Variants in ROBO2 observed in about 807,000 individuals in gnomAD.
ROBO2 encodes roundabout homolog 2.
A neutral mutation model predicts 160.8 loss-of-function variants in ROBO2; 53 were observed. The observed-to-expected ratio is 0.33, with a 90% CI of 0.26 to 0.41. ROBO2 has a LOEUF of 0.41. ROBO2 is among the 10% of genes least tolerant of loss of function. The pLI is 1.00. For synonymous variants in ROBO2, 664 were observed against 611.7 expected (o/e 1.09, Z -1.26); for missense variants, 1,577 against 1,722.4 (o/e 0.92, Z 1.49).
At chr3:76,475,511 A>G (rs908713926) in intron 2 of ROBO2, among the ~76,000 whole-genome samples, 1 of 151,372 alleles carries the variant, frequency 6.6e-6, no homozygotes, top group African/African-American at 2.4e-5. Context: ...CACTCTGCCA[A>G]TGAGGTTTGG....
At chr3:76,399,967 A>G (rs2077719052) in intron 2 of ROBO2, among the ~76,000 whole-genome samples, 1 of 151,736 alleles carries the variant, frequency 6.6e-6, no homozygotes, top group Non-Finnish European at 1.5e-5. Flanking sequence ...TACTCCATAA[A>G]TTCAGGGTGT....
rs10514731 is a variant in ROBO2 at position 76,083,454 on chromosome 3, A to G, written c.109+145852A>G. Among the ~76,000 whole-genome samples, 180 of 152,242 alleles carry G rather than the reference A, an allele frequency of 1.2e-3. 5 individuals are homozygous for G. In the East Asian group the frequency reaches 0.033, roughly 28 times the overall value. ...TTGACCACTGTTCATCATGAGAACT[A>G]GATAAGTTTTTGTTTTTGTTTTGTT... On this transcript the variant is annotated intron_variant, in intron 2 of 26. Coordinates refer to the ROBO2 transcript ENST00000487694.
chr3:76,569,699 A>T (rs775965997), intron 2 of ROBO2, among the ~76,000 whole-genome samples: 1 of 152,218 alleles, frequency 6.6e-6, no homozygotes, highest in Non-Finnish European at 1.5e-5. Flanking sequence ...ACTCAAAAGT[A>T]GAACCATCCT....
intron 2 of ROBO2, among the ~76,000 whole-genome samples, chr3:77,157,971 A>G (rs550691914): frequency 5.9e-5 from 9 of 152,184 alleles, no homozygotes; most frequent in African/African-American, 2.2e-4. Flanking sequence ...CAGTTGTTTG[A>G]TTTAATGAAT....
chr3:76,757,606 A>AT (rs869121485), intron 2 of ROBO2, among the ~76,000 whole-genome samples: 5 of 126,470 alleles, frequency 4.0e-5, no homozygotes, highest in East Asian at 2.2e-4. Flanking sequence ...AGAGTGGTTT[A>AT]TTTTTTTTTT....
intron 2 of ROBO2, among the ~76,000 whole-genome samples, chr3:76,724,517 C>T (rs1478260263): frequency 6.6e-6 from 1 of 152,168 alleles, no homozygotes; most frequent in African/African-American, 2.4e-5. Flanking sequence ...TCTATTCTCC[C>T]CAATAGCTAA....
intron 2 of ROBO2, among the ~76,000 whole-genome samples, chr3:77,455,253 G>A (rs147712510): frequency 4.0e-5 from 6 of 151,868 alleles, no homozygotes; most frequent in East Asian, 1.9e-4. Context: ...AATCATTGAC[G>A]GAAACTTGAA....
At chr3:77,183,317 T>C (rs749941019) in intron 2 of ROBO2, among the ~76,000 whole-genome samples, 5 of 152,038 alleles carry the variant, frequency 3.3e-5, no homozygotes, top group East Asian at 1.9e-4. Flanking sequence ...ATAATACTTA[T>C]GGGCTGAGTT....
intron 2 of ROBO2, among the ~76,000 whole-genome samples, chr3:76,399,631 C>T (rs2077696801): frequency 6.6e-6 from 1 of 151,516 alleles, no homozygotes; most frequent in Non-Finnish European, 1.5e-5. Flanking sequence ...GATGCAAAAG[C>T]CATGTATGAA....
At chr3:76,963,466 G>A (rs936524567) in intron 2 of ROBO2, among the ~76,000 whole-genome samples, 2 of 152,102 alleles carry the variant, frequency 1.3e-5, no homozygotes, top group African/African-American at 4.8e-5. Context: ...TGATTTTATA[G>A]AGTGATTCTA....
intron 4 of ROBO2, among the ~76,000 whole-genome samples, chr3:77,490,574 T>C (rs377062836): frequency 1.9e-4 from 29 of 152,296 alleles, no homozygotes; most frequent in African/African-American, 6.5e-4. Context: ...TTTATCTCAT[T>C]GAAAATTTAT....
intron 2 of ROBO2, among the ~76,000 whole-genome samples, chr3:77,378,888 A>C (rs2073050102): frequency 6.6e-6 from 1 of 151,792 alleles, no homozygotes; most frequent in Non-Finnish European, 1.5e-5. Flanking sequence ...TGCTTTCCCC[A>C]ACCCGGCATG....
chr3:76,923,077 G>T (rs1211038195), intron 2 of ROBO2, among the ~76,000 whole-genome samples: 1 of 152,186 alleles, frequency 6.6e-6, no homozygotes, highest in Admixed American at 6.5e-5. Flanking sequence ...CTGTCACACA[G>T]TTGCTTCGGG....
intron 1 of ROBO2, among the ~76,000 whole-genome samples, chr3:77,086,113 G>A (rs1304817832): frequency 2.6e-5 from 4 of 152,070 alleles, no homozygotes; most frequent in South Asian, 2.1e-4. Context: ...GGGACACAGA[G>A]TTATTAGGCA....
intron 2 of ROBO2, among the ~76,000 whole-genome samples, chr3:76,622,261 A>AGAAAGAAAGAAAGAAAGAAAGAAG (rs2089239348): frequency 3.1e-5 from 2 of 64,990 alleles, no homozygotes; most frequent in African/African-American, 1.2e-4. Context: ...AAAGAAAGAA[A>AGAAAGAAAGAAAGAAAGAAAGAAG]GAAAGAAAGA....
intron 2 of ROBO2, among the ~76,000 whole-genome samples, chr3:76,840,996 A>T (rs6548454): frequency 0.78 from 118,062 of 152,008 alleles, 46,446 homozygotes; most frequent in East Asian, 0.86. Context: ...TAGAAGAAGG[A>T]TCTGACCTCT....
At chr3:77,069,973 G>T (rs1409905868) in intron 1 of ROBO2, among the ~76,000 whole-genome samples, 1 of 152,028 alleles carries the variant, frequency 6.6e-6, no homozygotes, top group Non-Finnish European at 1.5e-5. Flanking sequence ...ATTTTAAAAG[G>T]GTCATTATCA....
chr3:77,223,279 A>G (rs2086061412), intron 2 of ROBO2, among the ~76,000 whole-genome samples: 1 of 152,138 alleles, frequency 6.6e-6, no homozygotes, highest in Non-Finnish European at 1.5e-5. Context: ...ATTTTTTTAT[A>G]TCAGTTAGAG....
intron 2 of ROBO2, among the ~76,000 whole-genome samples, chr3:76,564,786 T>C (rs2084410551): frequency 6.6e-6 from 1 of 152,236 alleles, no homozygotes; most frequent in South Asian, 2.1e-4. Flanking sequence ...ATCTTCACCA[T>C]GTAAATGTAC....
Sources: allele counts gnomAD v4.1 joint callset (sites outside exome capture counted in the v4.1 genomes callset), GRCh38; gene constraint gnomAD v4.1.1; transcripts MANE v1.5; gene names NCBI Gene and HGNC (gene_info 2026-07-23, HGNC 2026-07-21).